The following DCAF8L2 variants were observed in gnomAD, a reference collection of about 807,000 sequenced individuals.
The protein encoded by DCAF8L2 is DDB1 and CUL4 associated factor 8 like 2.
For missense variants in DCAF8L2, 430 were observed against 490.7 expected (o/e 0.88, Z 1.17); for synonymous variants, 200 against 190.9 (o/e 1.05, Z -0.39).
At chrX:27,664,399 A>G (rs971348460) in intron 2 of DCAF8L2, among the ~76,000 whole-genome samples, 3 of 111,878 alleles carry the variant, frequency 2.7e-5, no homozygotes, top group Non-Finnish European at 5.6e-5. Flanking sequence ...GAGAGAGGTG[A>G]TCAACTTGAA....
chrX:27,494,657 T>C, the DCAF8L2 span, among the ~76,000 whole-genome samples: 1 of 111,855 alleles, frequency 8.9e-6, no homozygotes. Context: ...TTTGTGGTTA[T>C]GACTTGGCAT....
At chrX:27,588,374 C>T (rs1925954501), upstream of DCAF8L2, among the ~76,000 whole-genome samples, 1 of 110,724 alleles carries the variant, frequency 9.0e-6, no homozygotes, top group African/African-American at 3.3e-5. Context: ...TGTGTACGTA[C>T]CACTTTATTA....
chrX:27,587,243 A>G (rs1307482337), upstream of DCAF8L2, among the ~76,000 whole-genome samples: 2 of 111,964 alleles, frequency 1.8e-5, no homozygotes, highest in Admixed American at 1.9e-4. Context: ...AAATCCTTAG[A>G]AAAGTGTCAA....
chrX:27,674,291 T>A, intron 2 of DCAF8L2, among the ~76,000 whole-genome samples: 1 of 111,833 alleles, frequency 8.9e-6, no homozygotes, highest in South Asian at 3.7e-4. Flanking sequence ...ATTTCCAAAA[T>A]AAATACTGAT....
chrX:27,619,545 C>G (rs1256197207), intron 1 of DCAF8L2, among the ~76,000 whole-genome samples: 1 of 111,554 alleles, frequency 9.0e-6, no homozygotes, highest in Non-Finnish European at 1.9e-5. Context: ...ACCTGACACT[C>G]CAGCACAAGT....
intron 4 of DCAF8L2, among the ~76,000 whole-genome samples, chrX:27,731,262 T>G (rs141440271): frequency 0.017 from 1,858 of 109,746 alleles, 44 homozygotes; most frequent in African/African-American, 0.059. Flanking sequence ...AATACAAAAA[T>G]TAGCTGGGCG....
intron 2 of DCAF8L2, among the ~76,000 whole-genome samples, chrX:27,649,020 C>T (rs1929051046): frequency 1.8e-5 from 2 of 111,691 alleles, no homozygotes; most frequent in South Asian, 7.5e-4. Flanking sequence ...GTCTGGGCCC[C>T]AGCCCAGACA....
chrX:27,514,160 ATGCACACATATGTACATGTATGTACCCG>A, the DCAF8L2 span, among the ~76,000 whole-genome samples: 1 of 107,076 alleles, frequency 9.3e-6, no homozygotes, highest in African/African-American at 3.6e-5. Context: ...ATGTGTGTGC[ATGCACACATATGTACATGTATGTACCCG>A]TGCACACATA....
chrX:27,583,590 G>A, the DCAF8L2 span, among the ~76,000 whole-genome samples: 1 of 111,515 alleles, frequency 9.0e-6, no homozygotes, highest in Non-Finnish European at 1.9e-5. Flanking sequence ...TCCATGGTCT[G>A]TTAGGAACCA....
At chrX:27,720,326 T>C (rs1049301948) in intron 4 of DCAF8L2, among the ~76,000 whole-genome samples, 6 of 111,898 alleles carry the variant, frequency 5.4e-5, no homozygotes, top group Admixed American at 1.9e-4. Context: ...TTCCCCAAAG[T>C]TATTCTTTTT....
At chrX:27,640,562 A>G (rs1176641144) in intron 2 of DCAF8L2, among the ~76,000 whole-genome samples, 1 of 112,416 alleles carries the variant, frequency 8.9e-6, no homozygotes, top group African/African-American at 3.2e-5. Flanking sequence ...TGCTATAAAT[A>G]TTCAAGAATA....
At position 27,749,466 on chromosome X, in the gene DCAF8L2, A is replaced by G. The variant is rs1050250707; in HGVS notation, c.*675A>G. On this transcript the variant is annotated 3_prime_UTR_variant, in exon 5 of 5. Coordinates refer to ENST00000451261, the MANE Select transcript of DCAF8L2 (RefSeq NM_001353450.2). The stretch of plus-strand genomic sequence containing the variant: ...ACCAGATAATTCATCTCCTTAGAAT[A>G]AATAACGTGGGATTGCCTACATTTT... Among the ~76,000 whole-genome samples, 6 of 112,279 alleles carry G rather than the reference A, an allele frequency of 5.3e-5. No individual in the cohort carries two copies. The highest frequency in any genetic ancestry group is 1.6e-4 in the African/African-American group (5 of 30,894).
intron 1 of DCAF8L2, among the ~76,000 whole-genome samples, chrX:27,596,014 G>A (rs897139059): frequency 2.2e-4 from 25 of 111,689 alleles, no homozygotes; most frequent in African/African-American, 6.8e-4. Context: ...GTGCAACAGC[G>A]AGACTCCATC....
intron 3 of DCAF8L2, among the ~76,000 whole-genome samples, chrX:27,695,948 C>G (rs760644413): frequency 2.7e-5 from 3 of 110,148 alleles, no homozygotes; most frequent in Non-Finnish European, 5.7e-5. Flanking sequence ...AATCCCAGCA[C>G]TTTTGGGAGG....
At chrX:27,518,043 T>A in the DCAF8L2 span, 1 of 957,439 alleles carries the variant, frequency 1.0e-6, no homozygotes, top group Non-Finnish European at 1.5e-6. Context: ...AAAAAGTGAA[T>A]CCTTTACAGT....
intron 1 of DCAF8L2, among the ~76,000 whole-genome samples, chrX:27,607,860 A>G (rs1212440470): frequency 9.0e-6 from 1 of 111,307 alleles, no homozygotes; most frequent in Non-Finnish European, 1.9e-5. Context: ...TTTTGTGTTA[A>G]CCAACATTTA....
chrX:27,651,578 C>T (rs1929155203), intron 2 of DCAF8L2, among the ~76,000 whole-genome samples: 1 of 97,734 alleles, frequency 1.0e-5, no homozygotes, highest in South Asian at 5.2e-4. Flanking sequence ...GGCACGATCT[C>T]GGCTCACTGC....
chrX:27,718,970 G>A (rs769800850), intron 4 of DCAF8L2, among the ~76,000 whole-genome samples: 11 of 111,481 alleles, frequency 9.9e-5, no homozygotes, highest in Admixed American at 1.9e-4. Context: ...AAACAGGCAC[G>A]CATATACACC....
chrX:27,642,164 A>T (rs1928760096), intron 2 of DCAF8L2, among the ~76,000 whole-genome samples: 1 of 110,846 alleles, frequency 9.0e-6, no homozygotes, highest in South Asian at 3.9e-4. Flanking sequence ...AAGTGTTGGG[A>T]TAACAAGCGT....
Sources: allele counts gnomAD v4.1 joint callset (sites outside exome capture counted in the v4.1 genomes callset), GRCh38; gene constraint gnomAD v4.1.1; transcripts MANE v1.5; gene names NCBI Gene and HGNC (gene_info 2026-07-23, HGNC 2026-07-21).